The following KIAA0232 variants were observed in gnomAD, a reference collection of about 807,000 sequenced individuals.
KIAA0232 encodes KIAA0232.
In KIAA0232, 27 loss-of-function variants were observed where a neutral mutation model predicts 122.0. That is an observed-to-expected ratio of 0.22 (90% CI 0.16 to 0.31). KIAA0232 has a LOEUF of 0.31. Among genes scored for constraint, KIAA0232 ranks in the 10% least tolerant of loss-of-function variants. The probability of loss-of-function intolerance (pLI) is 1.00; values close to 1 mark genes in which losing one functional copy is unlikely to be tolerated. For synonymous variants in KIAA0232, 613 were observed against 587.6 expected (o/e 1.04, Z -0.63); for missense variants, 1,551 against 1,634.2 (o/e 0.95, Z 0.88).
intron 8 of KIAA0232, among the ~76,000 whole-genome samples, chr4:6,875,138 A>G (rs1721683606): frequency 6.6e-6 from 1 of 152,206 alleles, no homozygotes; most frequent in Admixed American, 6.5e-5. Flanking sequence ...TCAGCAGAGG[A>G]CACATGGCAT....
Position 6,881,120 on chromosome 4 carries a change from T to G in KIAA0232, c.*154T>G. 1.7e-6 allele frequency: 1 copy of G among 585,548 alleles called. No individual in the cohort carries two copies. The highest frequency in any genetic ancestry group is 2.7e-6 in the Non-Finnish European group (1 of 371,648). 36.3% of individuals were successfully genotyped at this position (585,548 alleles called of 1,614,324 possible). A position where few individuals can be genotyped will look rare whatever the true frequency, so the allele number is the denominator to read the frequency against. On this transcript the variant is annotated 3_prime_UTR_variant, in exon 10 of 10. Transcript: ENST00000307659. Reference sequence around the variant, plus strand: ...ATTATCTTTCTCTTCTTGCTTATTTTAGAGTTGAGGACAGCTATCCTGTTA... The same window carrying G: ...ATTATCTTTCTCTTCTTGCTTATTTGAGAGTTGAGGACAGCTATCCTGTTA...
rs1274671757 is a variant in KIAA0232 at position 6,881,007 on chromosome 4, T to A, written c.*41T>A. 7.4e-7 allele frequency: 1 copy of A among 1,360,270 alleles called. No individual in the cohort carries two copies. The highest frequency in any genetic ancestry group is 9.6e-7 in the Non-Finnish European group (1 of 1,039,516). The allele number at this position is 1,360,270 out of a possible 1,614,324, so 84.3% of individuals were successfully genotyped here. A position where few individuals can be genotyped will look rare whatever the true frequency, so the allele number is the denominator to read the frequency against. ...CAAATTATTGTTTAAAAATGATATGTGATGGAAAATTACTCTTCAGTGAGA... is the reference window on the plus strand; with the variant it reads ...CAAATTATTGTTTAAAAATGATATGAGATGGAAAATTACTCTTCAGTGAGA... On this transcript the variant is annotated 3_prime_UTR_variant, in exon 10 of 10. Coordinates refer to ENST00000307659, the MANE Select transcript of KIAA0232 (RefSeq NM_014743.3).
In KIAA0232 at chr4:6,862,886, C is replaced by G. The variant is rs1720955433; in HGVS notation, c.2504C>G (p.Thr835Arg). ...GACATTTGGACAAAGATGGCAGACA[C>G]AAATTCTGTGGCTACAGTAGAAATA... ...IKDIWTKMAD[T>R]NSVATVEIER... The change falls in exon 7 of 10, where the codon ACA (threonine) becomes AGA (arginine). Residue 835 changes from threonine to arginine, a missense_variant. By Grantham distance (71) the Thr-to-Arg change is moderately conservative. Transcript: ENST00000307659. 1 of 1,614,102 alleles carries G rather than the reference C, an allele frequency of 6.2e-7. No individual in the cohort carries two copies. The highest frequency in any genetic ancestry group is 8.5e-7 in the Non-Finnish European group (1 of 1,180,038).
At chr4:6,871,959 G>C (rs35065828) in intron 8 of KIAA0232, among the ~76,000 whole-genome samples, 1 of 152,170 alleles carries the variant, frequency 6.6e-6, no homozygotes, top group African/African-American at 2.4e-5. Flanking sequence ...CACAGAGGAG[G>C]AAACAGCGGG....
At chr4:6,802,739 A>T (rs965673635) in intron 1 of KIAA0232, among the ~76,000 whole-genome samples, 2 of 152,150 alleles carry the variant, frequency 1.3e-5, no homozygotes, top group African/African-American at 4.8e-5. Context: ...GTGGTGATTC[A>T]GGTATAGAGC....
chr4:6,864,742 A>AAT, intron 7 of KIAA0232, among the ~76,000 whole-genome samples: 1 of 150,932 alleles, frequency 6.6e-6, no homozygotes, highest in Admixed American at 6.6e-5. Context: ...CATCTCAAAA[A>AAT]AAAAAAAAAA....
chr4:6,813,488 G>T (rs1005414772), intron 2 of KIAA0232, among the ~76,000 whole-genome samples: 1 of 151,612 alleles, frequency 6.6e-6, no homozygotes, highest in Non-Finnish European at 1.5e-5. Context: ...TCAGCCTCCC[G>T]AGTAGCTGGG....
rs545273309 is a variant in KIAA0232, at chr4:6,841,572, T to C, written c.232-495T>C. 4.1e-4 allele frequency among the ~76,000 whole-genome samples: 62 copies of C among 152,236 alleles called. 1 individual carries two copies. In the South Asian group the frequency reaches 0.011, roughly 26 times the overall value. ...CATAAACTTTTTTTATAAATCAGCATTAAGAGGGCAGTTAGGTAAGGAAAA... is the reference window on the plus strand; with the variant it reads ...CATAAACTTTTTTTATAAATCAGCACTAAGAGGGCAGTTAGGTAAGGAAAA... On this transcript the variant is annotated intron_variant, in intron 3 of 9. Transcript: ENST00000307659.
At chr4:6,845,469 C>G (rs1162186310) in intron 4 of KIAA0232, among the ~76,000 whole-genome samples, 3 of 152,120 alleles carry the variant, frequency 2.0e-5, no homozygotes, top group East Asian at 3.9e-4. Context: ...CTGCACGGTA[C>G]AGGCCTGAGT....
In KIAA0232 at chr4:6,860,974, T is replaced by G. The variant is rs1344130988; in HGVS notation, c.592T>G (p.Ser198Ala). The stretch of plus-strand genomic sequence containing the variant: ...AGAAATCATGACTGTGTGGAACAAG[T>G]CTAAAGTCTGTTCTTACTCTAGCTC... ...LQEIMTVWNK[S>A]KVCSYSSSSS... The change falls in exon 7 of 10, where the codon TCT becomes GCT. Residue 198 changes from serine (S) to alanine (A), a missense_variant. Around this residue, in one of 5 missense-constraint regions of KIAA0232, gnomAD observed 377 missense variants for 381.7 expected, o/e 0.99. Transcript: ENST00000307659. 30 of 1,614,050 alleles carry G rather than the reference T, an allele frequency of 1.9e-5. No individual in the cohort carries two copies. Among genetic ancestry groups the G allele is most frequent in the Non-Finnish European group, 2.5e-5 (29 of 1,180,034 alleles).
intron 9 of KIAA0232, among the ~76,000 whole-genome samples, chr4:6,879,937 C>A (rs10937757): frequency 0.18 from 4,846 of 27,056 alleles, 217 homozygotes; most frequent in Non-Finnish European, 0.23. Context: ...CCCAACACAC[C>A]CGTCTGCAGT....
At chr4:6,856,877 G>A (rs1720596438) in intron 4 of KIAA0232, among the ~76,000 whole-genome samples, 1 of 152,180 alleles carries the variant, frequency 6.6e-6, no homozygotes. Context: ...CCATGAGCAA[G>A]ATGACACACC....
chr4:6,847,015 T>G (rs1405585370), intron 4 of KIAA0232, among the ~76,000 whole-genome samples: 1 of 152,082 alleles, frequency 6.6e-6, no homozygotes, highest in East Asian at 1.9e-4. Context: ...CCACTAACAG[T>G]TCAAGTTTAT....
intron 2 of KIAA0232, among the ~76,000 whole-genome samples, chr4:6,816,504 G>C (rs1297466172): frequency 6.6e-6 from 1 of 151,982 alleles, no homozygotes; most frequent in Non-Finnish European, 1.5e-5. Context: ...GGATGGTATC[G>C]ATCTCCTGAC....
intron 4 of KIAA0232, among the ~76,000 whole-genome samples, chr4:6,844,364 A>AT (rs1719841469): frequency 1.3e-5 from 2 of 151,294 alleles, no homozygotes; most frequent in Admixed American, 6.6e-5. Context: ...TCATCCAATT[A>AT]TTTTTTCTCT....
intron 9 of KIAA0232, among the ~76,000 whole-genome samples, chr4:6,879,502 A>T (rs1721939200): frequency 6.6e-6 from 1 of 151,928 alleles, no homozygotes; most frequent in East Asian, 1.9e-4. Flanking sequence ...CTTTGACCTC[A>T]TCTGTCTCTG....
At chr4:6,784,937 ATTTTTTT>A (rs10563839) in intron 1 of KIAA0232, among the ~76,000 whole-genome samples, 1 of 135,530 alleles carries the variant, frequency 7.4e-6, no homozygotes, top group African/African-American at 2.9e-5. Context: ...GATCAGATGA[ATTTTTTT>A]TTTTTTTTTT....
chr4:6,801,993 A>G (rs1259627260), intron 1 of KIAA0232, among the ~76,000 whole-genome samples: 5 of 152,186 alleles, frequency 3.3e-5, no homozygotes, highest in Admixed American at 2.0e-4. Context: ...TATTTATGCA[A>G]TAAAGGGGCC....
At chr4:6,821,572 A>G (rs1353979709) in intron 2 of KIAA0232, among the ~76,000 whole-genome samples, 1 of 152,046 alleles carries the variant, frequency 6.6e-6, no homozygotes, top group Admixed American at 6.6e-5. Context: ...TTTGTGGCTG[A>G]GTAGTAGTCC....
Sources: gnomAD v4.1 joint callset for allele counts (sites outside exome capture counted in the v4.1 genomes callset) on GRCh38, gnomAD v4.1.1 for gene constraint, gnomAD v4.1.1 regional missense constraint, MANE v1.5 for transcripts, NCBI Gene and HGNC (gene_info 2026-07-23, HGNC 2026-07-21) for gene names.